The following SNX29 variants were observed in gnomAD, a reference collection of about 807,000 sequenced individuals.
The protein encoded by SNX29 is sorting nexin-29.
Under a neutral mutation model 102.1 loss-of-function variants are expected in SNX29, and 78 were observed. The ratio of observed to expected loss-of-function variants is 0.76; its 90% CI spans 0.64 to 0.92. The LOEUF (loss-of-function observed/expected upper bound fraction) is 0.92. Ranked by LOEUF, SNX29 falls within the 40% of genes least tolerant of loss-of-function variation. SNX29 has a pLI of 0.00. For synonymous variants in SNX29, 580 were observed against 414.5 expected, an observed-to-expected ratio of 1.40 and a Z score of -4.85; for missense variants, 1,280 against 1,061.7, an observed-to-expected ratio of 1.21 and a Z score of -2.86.
chr16:12,128,093 A>T (rs2054296262), intron 12 of SNX29, among the ~76,000 whole-genome samples: 1 of 152,216 alleles, frequency 6.6e-6, no homozygotes, highest in African/African-American at 2.4e-5. Flanking sequence ...GCAAACAAAC[A>T]TGATTTCTAA....
At chr16:12,540,046 T>G (rs576500868) in intron 20 of SNX29, among the ~76,000 whole-genome samples, 18 of 152,254 alleles carry the variant, frequency 1.2e-4, no homozygotes, top group Non-Finnish European at 2.1e-4. Context: ...AATTTACTTT[T>G]TGTGTCCCAG....
intron 1 of SNX29, among the ~76,000 whole-genome samples, chr16:11,990,905 A>G (rs1267859640): frequency 6.6e-6 from 1 of 152,256 alleles, no homozygotes; most frequent in Non-Finnish European, 1.5e-5. Flanking sequence ...CTGCCAGGGC[A>G]GTGGGCTGTT....
chr16:12,223,291 C>T (rs564791434), intron 14 of SNX29, among the ~76,000 whole-genome samples: 6 of 152,138 alleles, frequency 3.9e-5, no homozygotes, highest in South Asian at 4.2e-4. Context: ...TTTGGGAGGC[C>T]GAGGCTGGAG....
chr16:12,034,818 C>T (rs2057429991), intron 4 of SNX29, among the ~76,000 whole-genome samples: 2 of 152,124 alleles, frequency 1.3e-5, no homozygotes, highest in Admixed American at 1.3e-4. Flanking sequence ...CGAGACCAGC[C>T]TGGCCAACAT....
intron 8 of SNX29, among the ~76,000 whole-genome samples, chr16:12,057,429 T>C (rs1416705787): frequency 6.6e-6 from 1 of 152,088 alleles, no homozygotes; most frequent in East Asian, 1.9e-4. Context: ...GGGGCTGACC[T>C]CATAGACAGC....
intron 15 of SNX29, among the ~76,000 whole-genome samples, chr16:12,327,773 C>T (rs538285014): frequency 1.3e-5 from 2 of 152,216 alleles, no homozygotes; most frequent in East Asian, 3.9e-4. Context: ...TTGATGCTTG[C>T]AGGGAGGACA....
intron 18 of SNX29, among the ~76,000 whole-genome samples, chr16:12,419,569 C>CCG (rs2084787733): frequency 6.6e-6 from 1 of 151,772 alleles, no homozygotes; most frequent in Non-Finnish European, 1.5e-5. Context: ...TCAGCCCCCC[C>CCG]CCCCATCTTT....
intron 10 of SNX29, among the ~76,000 whole-genome samples, chr16:12,072,846 T>G (rs2051366021): frequency 6.6e-6 from 1 of 152,198 alleles, no homozygotes; most frequent in Non-Finnish European, 1.5e-5. Flanking sequence ...CAATTTCAGA[T>G]CCTGTTATTG....
intron 16 of SNX29, among the ~76,000 whole-genome samples, chr16:12,383,118 C>G (rs1476203527): frequency 6.6e-6 from 1 of 152,080 alleles, no homozygotes; most frequent in Non-Finnish European, 1.5e-5. Context: ...CAATATAAGC[C>G]TTTAGACATT....
intron 18 of SNX29, among the ~76,000 whole-genome samples, chr16:12,419,461 C>T (rs540951806): frequency 6.6e-6 from 1 of 152,266 alleles, no homozygotes; most frequent in East Asian, 1.9e-4. Context: ...GGAGGAAATC[C>T]AGCTCAGATT....
intron 18 of SNX29, among the ~76,000 whole-genome samples, chr16:12,450,605 C>T (rs748486029): frequency 3.3e-5 from 5 of 152,182 alleles, no homozygotes; most frequent in African/African-American, 9.7e-5. Flanking sequence ...GAAGGGAAGA[C>T]GGAGGCTTCC....
chr16:12,555,759 G>GC (rs1239727236), intron 20 of SNX29, among the ~76,000 whole-genome samples: 3 of 151,762 alleles, frequency 2.0e-5, no homozygotes, highest in Non-Finnish European at 4.4e-5. Context: ...ACTCCAACTA[G>GC]CCTTCAGGCT....
At chr16:12,366,882 CT>C (rs1377718749) in intron 16 of SNX29, 2 of 150,026 alleles carry the variant, frequency 1.3e-5, no homozygotes, top group Non-Finnish European at 1.5e-5. Context: ...TCTCTTCCCC[CT>C]GCCTGACTCT....
intron 15 of SNX29, among the ~76,000 whole-genome samples, chr16:12,299,974 G>A (rs1424932474): frequency 6.6e-6 from 1 of 151,746 alleles, no homozygotes; most frequent in Non-Finnish European, 1.5e-5. Flanking sequence ...TGGTTCAAGC[G>A]ATTCTCCTGC....
intron 18 of SNX29, among the ~76,000 whole-genome samples, chr16:12,466,527 T>C (rs1056425458): frequency 3.3e-5 from 5 of 152,192 alleles, no homozygotes; most frequent in African/African-American, 1.2e-4. Flanking sequence ...CCGTCAGATG[T>C]GGCACCCCCC....
chr16:11,999,309 A>G lies in SNX29; in HGVS notation c.20A>G (p.Asn7Ser), dbSNP rs1229873994. The G allele has an allele frequency of 3.7e-6, 6 of 1,614,122 alleles. No homozygotes were observed. The highest frequency in any genetic ancestry group is 2.5e-6 in the Non-Finnish European group (3 of 1,179,956). ...CATTGCATTTTAGGATCACAGAACA[A>G]TGACAAAAGACAATTTCTGCTGGAG... MSGSQN[N>S]DKRQFLLERL... Residue 7 changes from asparagine to serine, a missense_variant, in exon 2 of 21, where the codon AAT becomes AGT. Physicochemically the swap from Asn to Ser is conservative, Grantham distance 46 (BLOSUM62 1). Coordinates refer to ENST00000566228, the MANE Select transcript of SNX29 (RefSeq NM_032167.5).
intron 19 of SNX29, among the ~76,000 whole-genome samples, chr16:12,518,957 G>A (rs1311730771): frequency 6.6e-6 from 1 of 152,172 alleles, no homozygotes; most frequent in African/African-American, 2.4e-5. Context: ...GGCCTCGGCT[G>A]GTCATACTGC....
intron 20 of SNX29, among the ~76,000 whole-genome samples, chr16:12,537,021 G>T (rs532557782): frequency 1.3e-5 from 2 of 152,128 alleles, no homozygotes; most frequent in Admixed American, 6.5e-5. Context: ...CATGGGGGCC[G>T]GGGGAGCACA....
In SNX29 at chr16:12,339,370, C is replaced by CAAAA. The variant is rs58148692; in HGVS notation, c.1783-16772_1783-16769dup. Among the ~76,000 whole-genome samples, 97 of 56,130 alleles carry CAAAA rather than the reference C, an allele frequency of 1.7e-3. 4 individuals carry two copies. Among genetic ancestry groups the CAAAA allele is most frequent in the Middle Eastern group, 0.017 (1 of 58 alleles). The allele number at this position is 56,130 out of a possible 152,430, so 36.8% of individuals were successfully genotyped here. Reference sequence around the variant, plus strand: ...TGGGCGACAGAGTGAGATTCTGTCTCAAAAAAAAAAAAAAAAAAAAAAAAG... The same window carrying CAAAA: ...TGGGCGACAGAGTGAGATTCTGTCTCAAAAAAAAAAAAAAAAAAAAAAAAAAAAG... On this transcript the variant is annotated intron_variant, in intron 15 of 20. Transcript: ENST00000566228.
Sources: gnomAD v4.1 joint callset for allele counts (sites outside exome capture counted in the v4.1 genomes callset) on GRCh38, gnomAD v4.1.1 for gene constraint, MANE v1.5 for transcripts, NCBI Gene and HGNC (gene_info 2026-07-23, HGNC 2026-07-21) for gene names.